The following GSTK1 variants were observed in gnomAD, a reference collection of about 807,000 sequenced individuals.
GSTK1 encodes glutathione S-transferase kappa 1.
In GSTK1, 25 loss-of-function variants were observed where a neutral mutation model predicts 30.9. That is an observed-to-expected ratio of 0.81 (90% CI 0.59 to 1.13). The LOEUF is 1.13. GSTK1 is among the 50% of genes most tolerant of loss of function. The pLI, the probability that GSTK1 is intolerant of heterozygous loss-of-function variation, is 0.00. For missense variants in GSTK1, 292 were observed against 292.4 expected, an observed-to-expected ratio of 1.00 and a Z score of 0.01; for synonymous variants, 108 against 112.5, an observed-to-expected ratio of 0.96 and a Z score of 0.25.
intron 5 of GSTK1, 135 bp from the exon 6 acceptor site, chr7:143,267,482 G>C: frequency 1.4e-6 from 1 of 693,490 alleles, no homozygotes; most frequent in Non-Finnish European, 2.6e-6. Flanking sequence ...GGCAAGGACA[G>C]ATCTCCACTT....
chr7:143,265,101 G>A lies in GSTK1; in HGVS notation c.384+9G>A. ...TGCGCGTCTGGTCAAGGGTGAGTGT[G>A]GGGCTCTGGGAATCCTCTGGGAGGA... On this transcript the variant is annotated intron_variant, in intron 4 of 7. Transcript: ENST00000358406. 1 of 1,614,148 alleles carries A rather than the reference G, an allele frequency of 6.2e-7. No homozygotes were observed. The highest frequency in any genetic ancestry group is 8.5e-7 in the Non-Finnish European group (1 of 1,180,020).
rs1454929474 is a variant in GSTK1, at chr7:143,268,748, C to T, written c.632-40C>T. 1 of 1,597,492 alleles carries T rather than the reference C, an allele frequency of 6.3e-7. No homozygotes were observed. Among genetic ancestry groups the T allele is most frequent in the East Asian group, 2.2e-5 (1 of 44,816 alleles). The stretch of plus-strand genomic sequence containing the variant: ...GGACCAACTCCTGCTGCCAGAACAC[C>T]TGAGAACAGTGTGCAGAGTCTGTTG... On this transcript the variant is annotated intron_variant, in intron 7 of 7. Coordinates refer to ENST00000358406, the MANE Select transcript of GSTK1 (RefSeq NM_015917.3). This position sits in a 1 kb window ranked among gnomAD's most constrained non-coding sequence, Gnocchi z 4.1.
chr7:143,268,953 G>T lies in GSTK1; in HGVS notation c.*116G>T. Reference sequence around the variant, plus strand: ...TCTCTATCTGATAGAGGTATTTTCTGTGGCCCTGGGAGCTGTCTGTCTTTC... The same window carrying T: ...TCTCTATCTGATAGAGGTATTTTCTTTGGCCCTGGGAGCTGTCTGTCTTTC... On this transcript the variant is annotated 3_prime_UTR_variant, in exon 8 of 8. Transcript: ENST00000358406. This position sits in a 1 kb window ranked among gnomAD's most constrained non-coding sequence, Gnocchi z 4.1. The T allele has an allele frequency of 1.1e-6, 1 of 879,704 alleles. No individual in the cohort carries two copies. Among genetic ancestry groups the T allele is most frequent in the Non-Finnish European group, 1.9e-6 (1 of 533,304 alleles). 54.5% of individuals were successfully genotyped at this position (879,704 alleles called of 1,614,324 possible).
At position 143,264,127 on chromosome 7, in the gene GSTK1, G is replaced by A. The variant is rs1800798813; in HGVS notation, c.114G>A (p.Gln38=). 1 of 1,614,086 alleles carries A rather than the reference G, an allele frequency of 6.2e-7. No individual in the cohort carries two copies. Among genetic ancestry groups the A allele is most frequent in the South Asian group, 1.1e-5 (1 of 91,066 alleles). Residue 38 remains glutamine, a synonymous_variant, in exon 2 of 8, where the codon CAG becomes CAA. Transcript: ENST00000358406. ...AGAATATCTGGAACATCAACCTGCAGTTGCGGCCCAGCCTCATAACAGGGA... is the reference window on the plus strand; with the variant it reads ...AGAATATCTGGAACATCAACCTGCAATTGCGGCCCAGCCTCATAACAGGGA... ...RYQNIWNINL[Q]LRPSLITGIM...
intron 5 of GSTK1, among the ~76,000 whole-genome samples, chr7:143,266,725 G>A (rs1001227212): frequency 7.9e-6 from 1 of 126,704 alleles, no homozygotes; most frequent in African/African-American, 3.0e-5. Context: ...GCAGTGGCAT[G>A]ATCATGGCTC....
At chr7:143,264,195 G>C in intron 2 of GSTK1, 28 bp downstream of exon 2, 1 of 1,590,950 alleles carries the variant, frequency 6.3e-7, no homozygotes, top group South Asian at 1.1e-5. Context: ...GGGCAGGGGT[G>C]ATCTCAGTGG....
At position 143,265,092 on chromosome 7, in the gene GSTK1, G is replaced by A; in HGVS notation, c.384G>A (p.Arg128=). 1 of 1,614,126 alleles carries A rather than the reference G, an allele frequency of 6.2e-7. No individual in the cohort carries two copies. The highest frequency in any genetic ancestry group is 1.1e-5 in the South Asian group (1 of 91,076). Residue 128 remains arginine (R), a splice_region_variant and synonymous_variant, in exon 4 of 8, where the codon AGG becomes AGA. Transcript: ENST00000358406. Reference sequence around the variant, plus strand: ...AGCTGTGGATGCGCGTCTGGTCAAGGGTGAGTGTGGGGCTCTGGGAATCCT... The same window carrying A: ...AGCTGTGGATGCGCGTCTGGTCAAGAGTGAGTGTGGGGCTCTGGGAATCCT... ...SRELWMRVWS[R]NEDITEPQSI... is the part of the protein sequence containing the mutation.
At position 143,267,605 on chromosome 7, in the gene GSTK1, A is replaced by G. The variant is rs934760762; in HGVS notation, c.421-12A>G. On this transcript the variant is annotated splice_polypyrimidine_tract_variant and intron_variant, in intron 5 of 7. Coordinates refer to ENST00000358406, the MANE Select transcript of GSTK1 (RefSeq NM_015917.3). The stretch of plus-strand genomic sequence containing the variant: ...TGCAGACACAGTTGTATTCCCTACT[A>G]TATTCCCTTAGGCTGCAGAGAAGGC... 8 of 1,588,098 alleles carry G rather than the reference A, an allele frequency of 5.0e-6. No individual in the cohort carries two copies. Among genetic ancestry groups the G allele is most frequent in the Admixed American group, 1.7e-5 (1 of 59,986 alleles).
chr7:143,267,569 A>T, intron 5 of GSTK1, 48 bp from the exon 6 acceptor site: 4 of 1,404,644 alleles, frequency 2.8e-6, no homozygotes, highest in Non-Finnish European at 4.0e-6. Context: ...TGAGATCCCC[A>T]TCCAATATCA....
In GSTK1 at chr7:143,268,794, A is replaced by G; in HGVS notation, c.638A>G (p.Lys213Arg). The G allele has an allele frequency of 1.2e-6, 2 of 1,613,894 alleles. No individual in the cohort carries two copies. The highest frequency in any genetic ancestry group is 2.2e-5 in the South Asian group (2 of 91,084). ...TGTTGTTTTCTTCATCCAGGAGAGA[A>G]GTGGATGGGCCCTATACCTCCAGCC... ...MELLAHLLGE[K>R]WMGPIPPAVN... The change falls in exon 8 of 8, where the codon AAG (lysine) becomes AGG (arginine). Residue 213 changes from lysine to arginine, a missense_variant. Lys to Arg is a conservative substitution (Grantham distance 26). Transcript: ENST00000358406. This position sits in a 1 kb window ranked among gnomAD's most constrained non-coding sequence, Gnocchi z 4.1.
rs574586830 is a variant in GSTK1, at chr7:143,268,675, C to T, written c.632-113C>T. 953 of 905,432 alleles carry T rather than the reference C, an allele frequency of 1.1e-3. No individual in the cohort carries two copies. Among genetic ancestry groups the T allele is most frequent in the South Asian group, 1.7e-3 (122 of 72,604 alleles). The allele number at this position is 905,432 out of a possible 1,614,324, so 56.1% of individuals were successfully genotyped here. ...ATAAAAGAAAAGGAAGCCTTCTATA[C>T]CTTGAAGCCAAGCAAAAGTCTTTCT... On this transcript the variant is annotated intron_variant, in intron 7 of 7. Transcript: ENST00000358406. This position sits in a 1 kb window ranked among gnomAD's most constrained non-coding sequence, Gnocchi z 4.1.
rs1422359334 is a variant in GSTK1 at position 143,264,131 on chromosome 7, C to A, written c.118C>A (p.Arg40=). The A allele has an allele frequency of 6.2e-7, 1 of 1,614,042 alleles. No homozygotes were observed. The change falls in exon 2 of 8, where the codon CGG becomes AGG. Residue 40 remains arginine, a synonymous_variant. Transcript: ENST00000358406. The part of the protein sequence containing the change: ...QNIWNINLQL[R]PSLITGIMKD... ...TATCTGGAACATCAACCTGCAGTTG[C>A]GGCCCAGCCTCATAACAGGGATCAT... is the stretch of plus-strand genomic sequence containing the variant.
Position 143,267,523 on chromosome 7 carries a change from T to C in GSTK1, c.421-94T>C, listed in dbSNP as rs1800916277. ...TGGGTAAGGGCATTGCCAGCAAAAC[T>C]TGGGGGCAGAAAATAAAAAGACCAG... On this transcript the variant is annotated intron_variant, in intron 5 of 7. Coordinates refer to ENST00000358406, the MANE Select transcript of GSTK1 (RefSeq NM_015917.3). 5 of 971,272 alleles carry C rather than the reference T, an allele frequency of 5.1e-6. No individual in the cohort carries two copies. The Admixed American group carries it at 7.5e-5, about 15-fold the overall frequency. 60.2% of individuals were successfully genotyped at this position (971,272 alleles called of 1,614,324 possible). A position where few individuals can be genotyped will look rare whatever the true frequency, so the allele number is the denominator to read the frequency against.
intron 5 of GSTK1, among the ~76,000 whole-genome samples, chr7:143,266,360 G>C (rs942301492): frequency 6.6e-6 from 1 of 151,988 alleles, no homozygotes; most frequent in Non-Finnish European, 1.5e-5. Context: ...TGAAAGTATA[G>C]TTCTTTGTTT....
At chr7:143,265,387 G>T in intron 5 of GSTK1, 91 bp downstream of exon 5, 2 of 1,118,140 alleles carry the variant, frequency 1.8e-6, no homozygotes. Flanking sequence ...GTCTCTTATT[G>T]CATGGAAAAG....
intron 5 of GSTK1, among the ~76,000 whole-genome samples, chr7:143,266,023 C>CTTTTTTT (rs11296238): frequency 3.2e-4 from 22 of 69,254 alleles, no homozygotes; most frequent in Non-Finnish European, 3.9e-4. Flanking sequence ...ATTTTCCATG[C>CTTTTTTT]TTTTTTTTTT....
chr7:143,267,467 C>A (rs751457222), intron 5 of GSTK1, 150 bp from the exon 6 acceptor site: 3 of 659,440 alleles, frequency 4.5e-6, no homozygotes, highest in Non-Finnish European at 8.2e-6. Context: ...GAAATAGTTC[C>A]TCTTGGCAAG....
chr7:143,268,154 G>T lies in GSTK1; in HGVS notation c.601G>T (p.Asp201Tyr). The T allele has an allele frequency of 6.2e-7, 1 of 1,614,052 alleles. No homozygotes were observed. Among genetic ancestry groups the T allele is most frequent in the South Asian group, 1.1e-5 (1 of 91,058 alleles). ...CCAAACCCACATGTTATTTGGCTCTGACCGGATGGAGCTGCTGGCGCACCT... is the reference window on the plus strand; with the variant it reads ...CCAAACCCACATGTTATTTGGCTCTTACCGGATGGAGCTGCTGGCGCACCT... The part of the protein sequence containing the change: ...DGQTHMLFGS[D>Y]RMELLAHLLG... The change falls in exon 7 of 8, where the codon GAC becomes TAC. Residue 201 changes from aspartate to tyrosine, a missense_variant. Physicochemically the swap from Asp to Tyr is radical, Grantham distance 160. Coordinates refer to ENST00000358406, the MANE Select transcript of GSTK1 (RefSeq NM_015917.3). This position sits in a 1 kb window ranked among gnomAD's most constrained non-coding sequence, Gnocchi z 4.1.
At chr7:143,267,091 C>G (rs933604771) in intron 5 of GSTK1, among the ~76,000 whole-genome samples, 3 of 152,194 alleles carry the variant, frequency 2.0e-5, no homozygotes, top group African/African-American at 7.2e-5. Flanking sequence ...TTATCTTTGT[C>G]TTGAAGCCAG....
Sources: gnomAD v4.1 joint callset for allele counts (sites outside exome capture counted in the v4.1 genomes callset) on GRCh38, gnomAD v4.1.1 for gene constraint, Gnocchi (gnomAD v3.1) non-coding constraint, MANE v1.5 for transcripts, NCBI Gene and HGNC (gene_info 2026-07-23, HGNC 2026-07-21) for gene names.